Variants in LHFPL3 observed in about 807,000 individuals in gnomAD.
The protein encoded by LHFPL3 is LHFPL tetraspan subfamily member 3 protein.
In LHFPL3, 5 loss-of-function variants were observed where a neutral mutation model predicts 19.3. That is an observed-to-expected ratio of 0.26 (90% confidence interval 0.14 to 0.54). The LOEUF (loss-of-function observed/expected upper bound fraction) is 0.54. LHFPL3 is among the 20% of genes least tolerant of loss of function. LHFPL3 has a pLI of 0.94. For synonymous variants in LHFPL3, 133 were observed against 126.2 expected, an observed-to-expected ratio of 1.05 and a Z score of -0.36; for missense variants, 249 against 307.4, an observed-to-expected ratio of 0.81 and a Z score of 1.42.
At chr7:104,839,165 T>C (rs1045799449) in intron 2 of LHFPL3, among the ~76,000 whole-genome samples, 2 of 152,112 alleles carry the variant, frequency 1.3e-5, no homozygotes, top group African/African-American at 4.8e-5. Context: ...AAAATCTAAA[T>C]GTGGTTTTAG....
At chr7:104,548,998 A>G (rs534743921) in intron 1 of LHFPL3, among the ~76,000 whole-genome samples, 20 of 152,290 alleles carry the variant, frequency 1.3e-4, no homozygotes, top group African/African-American at 4.8e-4. Context: ...ATGTGGGAGA[A>G]ATGGACATTA....
chr7:104,629,886 A>G (rs903670231), intron 1 of LHFPL3, among the ~76,000 whole-genome samples: 1 of 152,124 alleles, frequency 6.6e-6, no homozygotes, highest in Non-Finnish European at 1.5e-5. Flanking sequence ...AACCATGTGC[A>G]TTTTTTAATG....
chr7:104,863,730 G>T (rs534509600), intron 2 of LHFPL3, among the ~76,000 whole-genome samples: 15 of 152,204 alleles, frequency 9.9e-5, no homozygotes, highest in Non-Finnish European at 1.8e-4. Context: ...ACTCAGCCTT[G>T]CACAGTGAGT....
chr7:104,729,343 AT>A (rs1437431634), intron 1 of LHFPL3, among the ~76,000 whole-genome samples: 3 of 152,206 alleles, frequency 2.0e-5, no homozygotes, highest in African/African-American at 7.2e-5. Flanking sequence ...CACCTCATAC[AT>A]TTATCATTTC....
chr7:104,513,267 G>A (rs566295162), intron 1 of LHFPL3, among the ~76,000 whole-genome samples: 2 of 152,180 alleles, frequency 1.3e-5, no homozygotes, highest in Non-Finnish European at 2.9e-5. Context: ...TAGGGGTGGG[G>A]TGAGAACAAG....
chr7:104,411,905 G>A (rs1262940395), intron 1 of LHFPL3, among the ~76,000 whole-genome samples: 1 of 152,138 alleles, frequency 6.6e-6, no homozygotes, highest in Non-Finnish European at 1.5e-5. Context: ...ATTTTAAAAT[G>A]TTTTTAAAAA....
At chr7:104,400,638 A>C (rs1258155046) in intron 1 of LHFPL3, among the ~76,000 whole-genome samples, 1 of 152,192 alleles carries the variant, frequency 6.6e-6, no homozygotes, top group Non-Finnish European at 1.5e-5. Flanking sequence ...AAAAATCTAG[A>C]AATTTGACCC....
intron 1 of LHFPL3, among the ~76,000 whole-genome samples, chr7:104,641,026 C>T (rs1026194918): frequency 6.6e-6 from 1 of 152,172 alleles, no homozygotes; most frequent in Non-Finnish European, 1.5e-5. Context: ...GACAGGTTTT[C>T]GTTTCCCAAG....
intron 1 of LHFPL3, among the ~76,000 whole-genome samples, chr7:104,606,855 G>T (rs143666891): frequency 6.6e-6 from 1 of 152,086 alleles, no homozygotes; most frequent in Non-Finnish European, 1.5e-5. Context: ...TGTGGAAAAT[G>T]GTCCTCAGGC....
intron 1 of LHFPL3, among the ~76,000 whole-genome samples, chr7:104,506,289 A>G (rs1474001970): frequency 1.3e-5 from 2 of 151,582 alleles, no homozygotes; most frequent in East Asian, 3.9e-4. Context: ...AAAGTATACT[A>G]AGCACATTCC....
At chr7:104,648,186 T>G (rs1270361666) in intron 1 of LHFPL3, among the ~76,000 whole-genome samples, 1 of 152,204 alleles carries the variant, frequency 6.6e-6, no homozygotes, top group Non-Finnish European at 1.5e-5. Flanking sequence ...AGGAAGCCAG[T>G]GGCCAAGACA....
chr7:104,734,174 G>T (rs1412430297), intron 1 of LHFPL3, among the ~76,000 whole-genome samples: 1 of 152,036 alleles, frequency 6.6e-6, no homozygotes, highest in African/African-American at 2.4e-5. Context: ...TTTCAACTTT[G>T]GTGACTCTGA....
At chr7:104,580,390 T>C (rs1182459334) in intron 1 of LHFPL3, among the ~76,000 whole-genome samples, 2 of 152,184 alleles carry the variant, frequency 1.3e-5, no homozygotes, top group Non-Finnish European at 2.9e-5. Context: ...ATCACCCATG[T>C]ACTTGCCACC....
At chr7:104,776,984 C>T (rs1443805324) in intron 2 of LHFPL3, among the ~76,000 whole-genome samples, 1 of 152,196 alleles carries the variant, frequency 6.6e-6, no homozygotes, top group Non-Finnish European at 1.5e-5. Context: ...GACCAGCTCA[C>T]TCAAAAGGAG....
chr7:104,601,934 T>C (rs1182672952), intron 1 of LHFPL3, among the ~76,000 whole-genome samples: 1 of 152,006 alleles, frequency 6.6e-6, no homozygotes, highest in Non-Finnish European at 1.5e-5. Flanking sequence ...CTGAATCACA[T>C]GACGGTTTGA....
intron 1 of LHFPL3, among the ~76,000 whole-genome samples, chr7:104,369,213 G>A (rs187185629): frequency 2.6e-5 from 4 of 152,252 alleles, no homozygotes; most frequent in Admixed American, 2.6e-4. Flanking sequence ...TGTGCACTCA[G>A]TAGTTGCTTG....
intron 1 of LHFPL3, among the ~76,000 whole-genome samples, chr7:104,580,025 G>A (rs900370011): frequency 6.6e-6 from 1 of 152,108 alleles, no homozygotes; most frequent in African/African-American, 2.4e-5. Context: ...ACTATGTTTT[G>A]AATATAAGAA....
intron 2 of LHFPL3, among the ~76,000 whole-genome samples, chr7:104,809,139 C>A (rs1790420782): frequency 6.6e-6 from 1 of 152,150 alleles, no homozygotes; most frequent in South Asian, 2.1e-4. Flanking sequence ...AAGTGATCGC[C>A]CACCTTGGCC....
At chr7:104,838,768 GTTTTA>G (rs1159711466) in intron 2 of LHFPL3, among the ~76,000 whole-genome samples, 3 of 152,230 alleles carry the variant, frequency 2.0e-5, no homozygotes, top group East Asian at 3.9e-4. Context: ...GAATTTTTGT[GTTTTA>G]TTTTAATTAA....
Sources: gnomAD v4.1 joint callset for allele counts (sites outside exome capture counted in the v4.1 genomes callset) on GRCh38, gnomAD v4.1.1 for gene constraint, MANE v1.5 for transcripts, NCBI Gene and HGNC (gene_info 2026-07-23, HGNC 2026-07-21) for gene names.